Variants in NINL observed in about 807,000 individuals in gnomAD.
The protein encoded by NINL is ninein like, also known as ninein-like protein.
NINL carries 153 observed loss-of-function variants against 160.3 expected under a neutral mutation model. That is an observed-to-expected ratio of 0.95 (90% confidence interval 0.84 to 1.09). The LOEUF (loss-of-function observed/expected upper bound fraction) is 1.09. NINL is among the 50% of genes least tolerant of loss of function. The pLI, the probability that NINL is intolerant of heterozygous loss-of-function variation, is 0.00. For synonymous variants in NINL, 800 were observed against 734.8 expected (o/e 1.09, Z -1.43); for missense variants, 1,829 against 1,764.0 (o/e 1.04, Z -0.66).
Position 25,467,478 on chromosome 20 carries a change from AAC to A in NINL, c.3354-22_3354-21del, listed in dbSNP as rs2062944199. 1.3e-6 allele frequency: 2 copies of A among 1,596,208 alleles called. No individual in the cohort carries two copies. Among genetic ancestry groups the A allele is most frequent in the Non-Finnish European group, 8.6e-7 (1 of 1,163,664 alleles). ...TCCTTCCTGTTGAAGAAGCACAATT[AAC>A]AGTGATACCACTTGTGACCAACCAG... is the stretch of plus-strand genomic sequence containing the variant. On this transcript the variant is annotated intron_variant, in intron 18 of 23. Coordinates refer to ENST00000278886, the MANE Select transcript of NINL (RefSeq NM_025176.6).
chr20:25,453,775 G>A lies in NINL; in HGVS notation c.3958-133C>T, dbSNP rs2090596120. 4 of 763,092 alleles carry A rather than the reference G, an allele frequency of 5.2e-6. No individual in the cohort carries two copies. The South Asian group carries it at 8.7e-5, about 17-fold the overall frequency. The allele number at this position is 763,092 out of a possible 1,614,324, so 47.3% of individuals were successfully genotyped here. The stretch of plus-strand genomic sequence containing the variant: ...TCTTAGAAATCTGACCCAAGGCCGG[G>A]GGCAGTGGTTCACGCCTGTAATCCC... On this transcript the variant is annotated intron_variant, in intron 23 of 23. Coordinates refer to ENST00000278886, the MANE Select transcript of NINL (RefSeq NM_025176.6).
At chr20:25,531,545 G>T (rs921830915) in intron 1 of NINL, among the ~76,000 whole-genome samples, 1 of 152,220 alleles carries the variant, frequency 6.6e-6, no homozygotes, top group African/African-American at 2.4e-5. Flanking sequence ...AAATGTCCAT[G>T]AAATCTTCAC....
chr20:25,455,814 C>T (rs373911305), intron 22 of NINL, 28 bp from the exon 23 acceptor site: 35 of 1,587,314 alleles, frequency 2.2e-5, no homozygotes, highest in South Asian at 1.9e-4. Context: ...TGCAGGTGGC[C>T]GGGCATGGTG....
At chr20:25,510,524 C>A in intron 5 of NINL, 150 bp downstream of exon 5, 3 of 766,182 alleles carry the variant, frequency 3.9e-6, no homozygotes, top group Non-Finnish European at 7.0e-6. Context: ...ACCACTCCTG[C>A]AGGAGGAAGA....
intron 12 of NINL, 49 bp from the exon 13 acceptor site, chr20:25,489,373 G>C: frequency 6.5e-7 from 1 of 1,543,466 alleles, no homozygotes; most frequent in Non-Finnish European, 8.9e-7. Flanking sequence ...GGGCCAGAGG[G>C]GGACCTGCTT....
At chr20:25,496,923 C>A in intron 9 of NINL, 120 bp from the exon 10 acceptor site, 1 of 1,303,454 alleles carries the variant, frequency 7.7e-7, no homozygotes, top group South Asian at 1.4e-5. Flanking sequence ...AACTATACAG[C>A]GGGCACTGCT....
chr20:25,540,298 T>C (rs769987633), intron 1 of NINL, among the ~76,000 whole-genome samples: 1 of 152,124 alleles, frequency 6.6e-6, no homozygotes, highest in Non-Finnish European at 1.5e-5. Context: ...TGCCACCAAG[T>C]GAAAGAAAAT....
At chr20:25,475,248 C>CA (rs936387166) in intron 17 of NINL, among the ~76,000 whole-genome samples, 18 of 150,428 alleles carry the variant, frequency 1.2e-4, no homozygotes, top group African/African-American at 2.2e-4. Flanking sequence ...GACTCTGTCT[C>CA]AAAAAAAACA....
chr20:25,566,920 G>A (rs1204770654), intron 1 of NINL, among the ~76,000 whole-genome samples: 1 of 152,100 alleles, frequency 6.6e-6, no homozygotes, highest in Non-Finnish European at 1.5e-5. Flanking sequence ...TCGGGAGGTT[G>A]AGGCAAGAGG....
rs2063938682 is a variant in NINL at position 25,505,145 on chromosome 20, AAAG to A, written c.518-70_518-68del. On this transcript the variant is annotated intron_variant, in intron 5 of 23. Coordinates refer to ENST00000278886, the MANE Select transcript of NINL (RefSeq NM_025176.6). ...ACAATGGAGCACGACTCAGCCTTAG[AAAG>A]AAGGACGTTCTGCCCTTTCCAACAG... 3.5e-6 allele frequency: 5 copies of A among 1,408,540 alleles called. No individual in the cohort carries two copies. In the African/African-American group the frequency reaches 5.8e-5, roughly 16 times the overall value. The allele number at this position is 1,408,540 out of a possible 1,614,324, so 87.3% of individuals were successfully genotyped here.
chr20:25,478,105 TGCTCA>T (rs1271509928), intron 16 of NINL, among the ~76,000 whole-genome samples: 5 of 152,048 alleles, frequency 3.3e-5, no homozygotes, highest in Admixed American at 3.3e-4. Context: ...CCTGCTACCA[TGCTCA>T]GCTAATTTTT....
chr20:25,454,647 A>G (rs376181508), intron 23 of NINL, among the ~76,000 whole-genome samples: 8 of 152,144 alleles, frequency 5.3e-5, no homozygotes, highest in African/African-American at 1.7e-4. Flanking sequence ...CCAGGTTTTC[A>G]TATTTCTCTT....
At chr20:25,478,793 C>G in intron 16 of NINL, 130 bp downstream of exon 16, 1 of 994,458 alleles carries the variant, frequency 1.0e-6, no homozygotes, top group Non-Finnish European at 1.4e-6. Context: ...TGGCACTCAC[C>G]CATCTGCCCA....
rs754977726 is a variant in NINL at position 25,476,354 on chromosome 20, C to T, written c.2937G>A (p.Gln979=). The T allele has an allele frequency of 2.0e-5, 33 of 1,612,092 alleles. No homozygotes were observed. The South Asian group carries it at 3.4e-4, about 17-fold the overall frequency. Residue 979 remains glutamine (Q), a synonymous_variant, in exon 17 of 24, where the codon CAG becomes CAA. Transcript: ENST00000278886. ...TGCTCCAGCTTCGTGCTCGCTCTTC[C>T]TGAATGGCCTGTAGCCTCTCAGCCT... ...RGQAERLQAI[Q]EERARSWSRG... is the part of the protein sequence containing the mutation.
intron 3 of NINL, among the ~76,000 whole-genome samples, chr20:25,515,662 C>T (rs1337109678): frequency 6.6e-6 from 1 of 152,040 alleles, no homozygotes; most frequent in Non-Finnish European, 1.5e-5. Context: ...GGAGGAAGGG[C>T]CTGGTAGGAG....
chr20:25,544,460 G>A (rs947674968), intron 1 of NINL, among the ~76,000 whole-genome samples: 8 of 152,126 alleles, frequency 5.3e-5, no homozygotes, highest in Non-Finnish European at 1.2e-4. Flanking sequence ...ACATTTGCAC[G>A]TGACCTGACT....
chr20:25,467,505 G>C, intron 18 of NINL, 47 bp from the exon 19 acceptor site: 1 of 1,456,762 alleles, frequency 6.9e-7, no homozygotes, highest in Non-Finnish European at 9.6e-7. Context: ...TGACCAACCA[G>C]TGCCTTCTTT....
At chr20:25,487,405 T>G (rs2063524911) in intron 13 of NINL, among the ~76,000 whole-genome samples, 1 of 152,220 alleles carries the variant, frequency 6.6e-6, no homozygotes, top group Non-Finnish European at 1.5e-5. Context: ...ATTCCATGCC[T>G]AAAATCATCC....
At chr20:25,529,515 T>C (rs919822208) in intron 1 of NINL, among the ~76,000 whole-genome samples, 4 of 151,850 alleles carry the variant, frequency 2.6e-5, no homozygotes, top group African/African-American at 9.7e-5. Context: ...CAGACAGGAG[T>C]AGACAGAGGT....
Sources: gnomAD v4.1 joint callset for allele counts (sites outside exome capture counted in the v4.1 genomes callset) on GRCh38, gnomAD v4.1.1 for gene constraint, MANE v1.5 for transcripts, NCBI Gene and HGNC (gene_info 2026-07-23, HGNC 2026-07-21) for gene names.